Variants in STEAP4 observed in about 807,000 individuals in gnomAD.
STEAP4 encodes STEAP4 metalloreductase.
Under a neutral mutation model 43.6 loss-of-function variants are expected in STEAP4, and 36 were observed. The observed-to-expected ratio is 0.83, with a 90% CI of 0.63 to 1.09. The LOEUF is 1.09. Ranked by LOEUF, STEAP4 falls within the 50% of genes least tolerant of loss-of-function variation. The probability of loss-of-function intolerance (pLI) is 0.00; values close to 1 mark genes in which losing one functional copy is unlikely to be tolerated. For synonymous variants in STEAP4, 191 were observed against 196.7 expected (o/e 0.97, Z 0.24); for missense variants, 495 against 546.5 (o/e 0.91, Z 0.94).
Position 88,282,880 on chromosome 7 carries a change from T to C in STEAP4, c.745A>G (p.Ile249Val), listed in dbSNP as rs1852648412. 1.6e-5 allele frequency: 26 copies of C among 1,614,200 alleles called. No homozygotes were observed. The highest frequency in any genetic ancestry group is 1.9e-5 in the Non-Finnish European group (23 of 1,180,034). The change falls in exon 3 of 5, where the codon ATA becomes GTA. Residue 249 changes from isoleucine to valine, a missense_variant. Physicochemically the swap from Ile to Val is conservative, Grantham distance 29. Transcript: ENST00000380079. ...AISIPNRIFPITALTLLALVY... is the reference protein window; with the variant it reads ...AISIPNRIFPVTALTLLALVY... ...AAAGCAAGCAGTGTAAGTGCTGTTA[T>C]TGGAAAGATACGATTTGGAATGGAA...
At chr7:88,306,681 A>G in intron 1 of STEAP4, 111 bp downstream of exon 1, 1 of 152,732 alleles carries the variant, frequency 6.5e-6, no homozygotes, top group Non-Finnish European at 1.5e-5. Context: ...GGGAGTTTGC[A>G]AGCACCTGTT....
Position 88,279,455 on chromosome 7 carries a change from A to G in STEAP4, c.1323T>C (p.Cys441=). Reference sequence around the variant, plus strand: ...GGATCCTTGTAAGGGTGTTGTCTACACATGGCATGATTAGGACAAACTTGA... The same window carrying G: ...GGATCCTTGTAAGGGTGTTGTCTACGCATGGCATGATTAGGACAAACTTGA... ...LVIKFVLIMP[C]VDNTLTRIRQ... is the part of the protein sequence containing the mutation. Residue 441 remains cysteine (C), a synonymous_variant, in exon 5 of 5, where the codon TGT becomes TGC. Coordinates refer to ENST00000380079, the MANE Select transcript of STEAP4 (RefSeq NM_024636.4). The G allele has an allele frequency of 6.2e-7, 1 of 1,614,164 alleles. No homozygotes were observed. The highest frequency in any genetic ancestry group is 8.5e-7 in the Non-Finnish European group (1 of 1,180,016).
intron 1 of STEAP4, among the ~76,000 whole-genome samples, chr7:88,300,203 G>T (rs757073768): frequency 3.3e-5 from 5 of 152,114 alleles, no homozygotes; most frequent in Non-Finnish European, 4.4e-5. Context: ...TTAGTTTCAA[G>T]GTTTTTATTT....
At chr7:88,281,301 G>A (rs1852617163) in intron 3 of STEAP4, among the ~76,000 whole-genome samples, 1 of 152,168 alleles carries the variant, frequency 6.6e-6, no homozygotes, top group Non-Finnish European at 1.5e-5. Flanking sequence ...TAGGAGTTGT[G>A]TAGAAAGTTT....
chr7:88,279,262 T>C lies in STEAP4; in HGVS notation c.*136A>G. On this transcript the variant is annotated 3_prime_UTR_variant, in exon 5 of 5. Coordinates refer to ENST00000380079, the MANE Select transcript of STEAP4 (RefSeq NM_024636.4). Reference sequence around the variant, plus strand: ...CAATTTCTCAAAGACAAGCAATGTTTCCCTCAGTCACGGTGTAAGAAAAAA... The same window carrying C: ...CAATTTCTCAAAGACAAGCAATGTTCCCCTCAGTCACGGTGTAAGAAAAAA... The C allele has an allele frequency of 1.4e-6, 1 of 704,470 alleles. No homozygotes were observed. The highest frequency in any genetic ancestry group is 2.8e-5 in the Admixed American group (1 of 35,596). 43.6% of individuals were successfully genotyped at this position (704,470 alleles called of 1,614,324 possible).
At chr7:88,293,883 A>G (rs532800065) in intron 1 of STEAP4, among the ~76,000 whole-genome samples, 1 of 151,690 alleles carries the variant, frequency 6.6e-6, no homozygotes, top group African/African-American at 2.4e-5. Context: ...TCTTCCCACT[A>G]TGTTTTTTTT....
intron 1 of STEAP4, among the ~76,000 whole-genome samples, chr7:88,302,312 T>C (rs1853049289): frequency 6.6e-6 from 1 of 152,180 alleles, no homozygotes; most frequent in African/African-American, 2.4e-5. Context: ...TCAAGGAGCT[T>C]TGGTCTTGGG....
At chr7:88,281,146 CT>C (rs1852614026) in intron 3 of STEAP4, 67 bp from the exon 4 acceptor site, 11 of 1,282,088 alleles carry the variant, frequency 8.6e-6, no homozygotes, top group African/African-American at 6.2e-5. Context: ...ACTGCCCACA[CT>C]TTGACAGTGG....
At chr7:88,291,793 A>ACGTGG in intron 1 of STEAP4, among the ~76,000 whole-genome samples, 1 of 152,336 alleles carries the variant, frequency 6.6e-6, no homozygotes, top group South Asian at 2.1e-4. Context: ...GGGTTAAAAT[A>ACGTGG]GTTAAAACAC....
chr7:88,297,467 T>C (rs1852942138), intron 1 of STEAP4, among the ~76,000 whole-genome samples: 1 of 152,132 alleles, frequency 6.6e-6, no homozygotes, highest in Non-Finnish European at 1.5e-5. Context: ...GCCAGTCAAG[T>C]GAGGGTTGCC....
In STEAP4 at chr7:88,271,546, A is replaced by C. The variant is rs1001735066; in HGVS notation, c.*7852T>G. On this transcript the variant is annotated 3_prime_UTR_variant, in exon 5 of 5. Transcript: ENST00000380079. ...TCTGTGAAAGCATCATAGTTTCCTTAACCAGTCCCAAAGATGAATGCTTGA... is the reference window on the plus strand; with the variant it reads ...TCTGTGAAAGCATCATAGTTTCCTTCACCAGTCCCAAAGATGAATGCTTGA... The C allele has an allele frequency of 6.6e-6, 1 of 152,230 alleles. No homozygotes were observed. The highest frequency in any genetic ancestry group is 1.5e-5 in the Non-Finnish European group (1 of 68,038). 9.4% of individuals were successfully genotyped at this position (152,230 alleles called of 1,614,324 possible). A position where few individuals can be genotyped will look rare whatever the true frequency, so the allele number is the denominator to read the frequency against.
rs548280316 is a variant in STEAP4, at chr7:88,279,274, G to T, written c.*124C>A. 1.3e-6 allele frequency: 1 copy of T among 773,344 alleles called. No homozygotes were observed. The highest frequency in any genetic ancestry group is 1.8e-5 in the South Asian group (1 of 55,316). The allele number at this position is 773,344 out of a possible 1,614,324, so 47.9% of individuals were successfully genotyped here. A position where few individuals can be genotyped will look rare whatever the true frequency, so the allele number is the denominator to read the frequency against. On this transcript the variant is annotated 3_prime_UTR_variant, in exon 5 of 5. Coordinates refer to ENST00000380079, the MANE Select transcript of STEAP4 (RefSeq NM_024636.4). ...GACAAGCAATGTTTCCCTCAGTCAC[G>T]GTGTAAGAAAAAAACTTTCCTAACT...
At position 88,282,670 on chromosome 7, in the gene STEAP4, A is replaced by C. The variant is rs763553946; in HGVS notation, c.955T>G (p.Trp319Gly). Reference sequence around the variant, plus strand: ...GTAACGGTTAAGTTTCCCAATCTCCATCGTACATAATATCGAATAGGAATC... The same window carrying C: ...GTAACGGTTAAGTTTCCCAATCTCCCTCGTACATAATATCGAATAGGAATC... ...LVIPIRYYVR[W>G]RLGNLTVTQA... The change falls in exon 3 of 5, where the codon TGG (tryptophan) becomes GGG (glycine). Residue 319 changes from tryptophan (W) to glycine (G), a missense_variant. Transcript: ENST00000380079. The C allele has an allele frequency of 6.2e-7, 1 of 1,614,058 alleles. No homozygotes were observed. The highest frequency in any genetic ancestry group is 8.5e-7 in the Non-Finnish European group (1 of 1,179,970).
In STEAP4 at chr7:88,271,881, G is replaced by C. The variant is rs918935021; in HGVS notation, c.*7517C>G. The C allele has an allele frequency of 1.3e-5, 2 of 152,146 alleles. No homozygotes were observed. Among genetic ancestry groups the C allele is most frequent in the Admixed American group, 6.5e-5 (1 of 15,268 alleles). 9.4% of individuals were successfully genotyped at this position (152,146 alleles called of 1,614,324 possible). A position where few individuals can be genotyped will look rare whatever the true frequency, so the allele number is the denominator to read the frequency against. On this transcript the variant is annotated 3_prime_UTR_variant, in exon 5 of 5. Transcript: ENST00000380079. Reference sequence around the variant, plus strand: ...TTGCCCATCTACTAGGTGAGAAATGGTATTGATACAGTTACAATTTTCATG... The same window carrying C: ...TTGCCCATCTACTAGGTGAGAAATGCTATTGATACAGTTACAATTTTCATG...
At chr7:88,287,172 C>A (rs893775407) in intron 1 of STEAP4, among the ~76,000 whole-genome samples, 5 of 152,182 alleles carry the variant, frequency 3.3e-5, no homozygotes, top group Admixed American at 3.3e-4. Context: ...GATGAGGCTA[C>A]AGTTATGAGA....
At chr7:88,286,272 AATTATAG>A in intron 1 of STEAP4, among the ~76,000 whole-genome samples, 1 of 152,352 alleles carries the variant, frequency 6.6e-6, no homozygotes, top group East Asian at 1.9e-4. Context: ...GGCATATTAG[AATTATAG>A]AAATCTTATA....
At position 88,282,743 on chromosome 7, in the gene STEAP4, G is replaced by A; in HGVS notation, c.882C>T (p.Gly294=). 1.9e-6 allele frequency: 3 copies of A among 1,614,106 alleles called. No individual in the cohort carries two copies. Among genetic ancestry groups the A allele is most frequent in the Non-Finnish European group, 2.5e-6 (3 of 1,180,020 alleles). Residue 294 remains glycine, a synonymous_variant, in exon 3 of 5, where the codon GGC becomes GGT. Coordinates refer to ENST00000380079, the MANE Select transcript of STEAP4 (RefSeq NM_024636.4). ...GGAAGGCAAATCCCAGAGCTACCAAGCCAAGCTGCTTTCGGCAAAGCATCC... is the reference window on the plus strand; with the variant it reads ...GGAAGGCAAATCCCAGAGCTACCAAACCAAGCTGCTTTCGGCAAAGCATCC... ...DHWMLCRKQL[G]LVALGFAFLH...
In STEAP4 at chr7:88,282,989, GAC is replaced by G. The variant is rs1351029566; in HGVS notation, c.634_635del (p.Val212LeufsTer18). 1.2e-6 allele frequency: 2 copies of G among 1,613,488 alleles called. No individual in the cohort carries two copies. On this transcript the variant is annotated frameshift_variant, in exon 3 of 5. Coordinates refer to ENST00000380079, the MANE Select transcript of STEAP4 (RefSeq NM_024636.4). LOFTEE classifies it high-confidence loss of function. ...TTATAACACAATAGAAAAACAAGAAGACACACAGCACAGCAGACAAATAGAAG... is the reference window on the plus strand; with the variant it reads ...TTATAACACAATAGAAAAACAAGAAGACACAGCACAGCAGACAAATAGAAG... The part of the protein sequence containing the change: ...FPFYLSAVLC[V>X]FLFFYCVIRD...
At chr7:88,285,398 C>T (rs1394281277) in intron 1 of STEAP4, among the ~76,000 whole-genome samples, 9 of 152,024 alleles carry the variant, frequency 5.9e-5, no homozygotes, top group Non-Finnish European at 7.4e-5. Flanking sequence ...GCTCACACAA[C>T]GTCAGTTTTC....
Sources: gnomAD v4.1 joint callset for allele counts (sites outside exome capture counted in the v4.1 genomes callset) on GRCh38, gnomAD v4.1.1 for gene constraint, MANE v1.5 for transcripts, NCBI Gene and HGNC (gene_info 2026-07-23, HGNC 2026-07-21) for gene names.